DNMT3A: variants seen among roughly 807,000 people sequenced by gnomAD.
DNMT3A encodes DNA (cytosine-5)-methyltransferase 3A.
In DNMT3A, 267 loss-of-function variants were observed where a neutral mutation model predicts 117.6. The ratio of observed to expected loss-of-function variants is 2.27; its 90% CI spans 2.05 to 2.51. The LOEUF (loss-of-function observed/expected upper bound fraction) is 2.51, where lower values mean the gene tolerates loss of function less well. DNMT3A is among the 30% of genes most tolerant of loss of function. The pLI is 0.00. For missense variants in DNMT3A, 1,029 were observed against 1,260.2 expected (o/e 0.82, Z 2.78); for synonymous variants, 432 against 474.8 (o/e 0.91, Z 1.17).
chr2:25,251,805 AC>A (rs1221155751), intron 6 of DNMT3A: 1 of 291,950 alleles, frequency 3.4e-6, no homozygotes, highest in African/African-American at 2.2e-5. Context: ...CCAGCCAGAA[AC>A]GCAGGTCACC....
At chr2:25,246,494 C>T (rs1463465758) in intron 10 of DNMT3A, 126 bp downstream of exon 10, 1 of 1,461,172 alleles carries the variant, frequency 6.8e-7, no homozygotes, top group East Asian at 2.3e-5. Context: ...CAAGAGAGAC[C>T]CCGGCTGTTC....
chr2:25,251,493 A>G (rs1231405355), intron 6 of DNMT3A, among the ~76,000 whole-genome samples: 2 of 152,044 alleles, frequency 1.3e-5, no homozygotes, highest in African/African-American at 4.8e-5. Flanking sequence ...AACTCCGGTG[A>G]CTACTGCCTC....
Position 25,248,175 on chromosome 2 carries a change from C to G in DNMT3A, c.717G>C (p.Val239=). 1 of 1,613,944 alleles carries G rather than the reference C, an allele frequency of 6.2e-7. No individual in the cohort carries two copies. The highest frequency in any genetic ancestry group is 8.5e-7 in the Non-Finnish European group (1 of 1,179,972). The stretch of plus-strand genomic sequence containing the variant: ...GCACAGCAGGAGGGCTGGCCTCCTC[C>G]ACCTTCTGAGACTCCCCGGGCCCCT... The part of the protein sequence containing the change: ...ENQGPGESQK[V]EEASPPAVQQ... The change falls in exon 7 of 23, where the codon GTG becomes GTC. Residue 239 remains valine (V), a synonymous_variant. Transcript: ENST00000321117.
rs1041467613 is a variant in DNMT3A, at chr2:25,337,530, G to C, written c.-178+4296C>G. Among the ~76,000 whole-genome samples, 2 of 152,182 alleles carry C rather than the reference G, an allele frequency of 1.3e-5. No homozygotes were observed. The highest frequency in any genetic ancestry group is 4.8e-5 in the African/African-American group (2 of 41,430). ...TCGAGTTGTTGCCCAAGTTCCTGCCGCTGGGAGGTGTCAGAGTGCAGCTCC... is the reference window on the plus strand; with the variant it reads ...TCGAGTTGTTGCCCAAGTTCCTGCCCCTGGGAGGTGTCAGAGTGCAGCTCC... On this transcript the variant is annotated intron_variant, in intron 1 of 22. Transcript: ENST00000321117. This position sits in a 1 kb window ranked among gnomAD's most constrained non-coding sequence, Gnocchi z 5.0.
rs2149311925 is a variant in DNMT3A at position 25,248,257 on chromosome 2, G to A, written c.640-5C>T. 2 of 1,610,392 alleles carry A rather than the reference G, an allele frequency of 1.2e-6. No homozygotes were observed. The highest frequency in any genetic ancestry group is 8.5e-7 in the Non-Finnish European group (1 of 1,179,086). The stretch of plus-strand genomic sequence containing the variant: ...GACCTTGGCTTTCTTCTCAGCCTGG[G>A]GAAACAAAAAACAAAAAGTCACCTT... On this transcript the variant is annotated splice_region_variant and splice_polypyrimidine_tract_variant and intron_variant, in intron 6 of 22. Coordinates refer to ENST00000321117, the MANE Select transcript of DNMT3A (RefSeq NM_022552.5).
intron 3 of DNMT3A, among the ~76,000 whole-genome samples, chr2:25,284,159 G>A (rs890779219): frequency 3.9e-5 from 6 of 152,154 alleles, no homozygotes; most frequent in Non-Finnish European, 7.3e-5. Context: ...CGCTGGCTCC[G>A]TATGCAGAAC....
chr2:25,253,890 G>C (rs971743388), intron 6 of DNMT3A, among the ~76,000 whole-genome samples: 1 of 152,114 alleles, frequency 6.6e-6, no homozygotes, highest in Admixed American at 6.6e-5. Context: ...TGACTAACAT[G>C]GTGAAACCTT....
chr2:25,297,389 G>A (rs923762226), intron 3 of DNMT3A, among the ~76,000 whole-genome samples: 9 of 152,044 alleles, frequency 5.9e-5, no homozygotes, highest in African/African-American at 1.2e-4. Context: ...GATGCGCCCC[G>A]CCTCCCAGGG....
At chr2:25,279,637 C>G (rs897987638) in intron 4 of DNMT3A, among the ~76,000 whole-genome samples, 1 of 152,120 alleles carries the variant, frequency 6.6e-6, no homozygotes, top group Admixed American at 6.5e-5. Context: ...ATCTATACTT[C>G]CTGGATAGCT....
intron 6 of DNMT3A, among the ~76,000 whole-genome samples, chr2:25,261,121 C>T (rs993614853): frequency 6.6e-6 from 1 of 151,978 alleles, no homozygotes; most frequent in South Asian, 2.1e-4. Flanking sequence ...TGGTGAAAAC[C>T]CATCTCTACT....
chr2:25,240,547 G>A (rs926844717), intron 18 of DNMT3A, 93 bp downstream of exon 18: 27 of 1,590,978 alleles, frequency 1.7e-5, no homozygotes, highest in African/African-American at 1.1e-4. Flanking sequence ...CAGGGTCATC[G>A]GGAATAGCTG....
chr2:25,282,133 G>C lies in DNMT3A; in HGVS notation c.448+308C>G. 3 of 1,143,862 alleles carry C rather than the reference G, an allele frequency of 2.6e-6. No individual in the cohort carries two copies. Among genetic ancestry groups the C allele is most frequent in the Non-Finnish European group, 3.4e-6 (3 of 885,592 alleles). 70.9% of individuals were successfully genotyped at this position (1,143,862 alleles called of 1,614,324 possible). ...TCTAGCAATCGTTGGCGTTATGAAA[G>C]CCCGCTGTTGCCAGATCTAGCTTTT... On this transcript the variant is annotated intron_variant, in intron 4 of 22. Transcript: ENST00000321117. The surrounding 1 kb of genome is among the most constrained non-coding windows in gnomAD (Gnocchi z 5.2).
chr2:25,338,550 C>T (rs2035296113), intron 1 of DNMT3A, among the ~76,000 whole-genome samples: 1 of 152,176 alleles, frequency 6.6e-6, no homozygotes, highest in South Asian at 2.1e-4. Context: ...CACTAACCTG[C>T]CTCGCTGCCT....
At chr2:25,303,022 GC>G (rs1451426988) in intron 2 of DNMT3A, among the ~76,000 whole-genome samples, 4 of 152,304 alleles carry the variant, frequency 2.6e-5, no homozygotes, top group African/African-American at 9.6e-5. Flanking sequence ...TGAGAAGACA[GC>G]TTCACAAAGG....
At chr2:25,287,742 A>G (rs934508710) in intron 3 of DNMT3A, among the ~76,000 whole-genome samples, 10 of 147,264 alleles carry the variant, frequency 6.8e-5, no homozygotes, top group African/African-American at 2.5e-4. Context: ...CCCGCCCCCA[A>G]CAGAGATTTA....
At position 25,281,693 on chromosome 2, in the gene DNMT3A, G is replaced by A. The variant is rs575850636; in HGVS notation, c.448+748C>T. 3.8e-6 allele frequency: 4 copies of A among 1,065,826 alleles called. No homozygotes were observed. The highest frequency in any genetic ancestry group is 3.4e-6 in the Non-Finnish European group (3 of 879,554). The allele number at this position is 1,065,826 out of a possible 1,614,324, so 66.0% of individuals were successfully genotyped here. A position where few individuals can be genotyped will look rare whatever the true frequency, so the allele number is the denominator to read the frequency against. On this transcript the variant is annotated intron_variant, in intron 4 of 22. Transcript: ENST00000321117. This position sits in a 1 kb window ranked among gnomAD's most constrained non-coding sequence, Gnocchi z 4.8. ...ACTGTGAAGCCCTGTACAAATGCTA[G>A]TTGTCCTCATTACTAACATGTTTAC...
intron 1 of DNMT3A, among the ~76,000 whole-genome samples, chr2:25,315,180 C>A (rs556067951): frequency 1.3e-5 from 2 of 152,226 alleles, no homozygotes; most frequent in African/African-American, 4.8e-5. Context: ...CTCCCCCTCC[C>A]TCCTGGGCTT....
intron 3 of DNMT3A, among the ~76,000 whole-genome samples, chr2:25,287,711 C>T (rs975416711): frequency 4.8e-5 from 7 of 146,078 alleles, no homozygotes; most frequent in Middle Eastern, 3.4e-3. Context: ...CTGCTAAACA[C>T]CCCACCAGAC....
At chr2:25,256,814 T>TTG (rs1676178232) in intron 6 of DNMT3A, among the ~76,000 whole-genome samples, 1 of 152,238 alleles carries the variant, frequency 6.6e-6, no homozygotes, top group Admixed American at 6.5e-5. Context: ...GCGAAGGTGA[T>TTG]TGTGTACTCA....
Sources: allele counts gnomAD v4.1 joint callset (sites outside exome capture counted in the v4.1 genomes callset), GRCh38; gene constraint gnomAD v4.1.1; non-coding constraint Gnocchi (gnomAD v3.1); transcripts MANE v1.5; gene names NCBI Gene and HGNC (gene_info 2026-07-23, HGNC 2026-07-21).